The following PTPRM variants were observed in gnomAD, a reference collection of about 807,000 sequenced individuals.
PTPRM encodes the protein protein tyrosine phosphatase receptor type M.
PTPRM carries 47 observed loss-of-function variants against 186.7 expected under a neutral mutation model. The ratio of observed to expected loss-of-function variants is 0.25; its 90% CI spans 0.20 to 0.32. The LOEUF (loss-of-function observed/expected upper bound fraction) is 0.32. Among genes scored for constraint, PTPRM ranks in the 10% least tolerant of loss-of-function variants. PTPRM has a pLI of 1.00. For missense variants in PTPRM, 1,494 were observed against 1,865.0 expected, an observed-to-expected ratio of 0.80 and a Z score of 3.66; for synonymous variants, 668 against 674.9, an observed-to-expected ratio of 0.99 and a Z score of 0.16.
At chr18:7,660,517 A>G (rs193052134) in intron 1 of PTPRM, among the ~76,000 whole-genome samples, 293 of 152,268 alleles carry the variant, frequency 1.9e-3, no homozygotes, top group Admixed American at 3.8e-3. Flanking sequence ...TGCTACCCCT[A>G]TGGATCTATT....
At chr18:7,763,160 A>G (rs964732220) in intron 1 of PTPRM, among the ~76,000 whole-genome samples, 8 of 152,188 alleles carry the variant, frequency 5.3e-5, no homozygotes, top group Non-Finnish European at 1.0e-4. Flanking sequence ...CTGTTTATGC[A>G]TTTGAGCATA....
rs117525975 is a variant in PTPRM at position 8,370,521 on chromosome 18, A to G, written c.3055-369A>G. 8.4e-3 allele frequency among the ~76,000 whole-genome samples: 1,285 copies of G among 152,322 alleles called. 9 individuals are homozygous for G. Among genetic ancestry groups the G allele is most frequent in the Non-Finnish European group, 0.015 (1,013 of 68,026 alleles). On this transcript the variant is annotated intron_variant, in intron 23 of 32. Transcript: ENST00000580170. The stretch of plus-strand genomic sequence containing the variant: ...AAAAAGTTTTCAATCACTTTCTGAA[A>G]CTAGAAATAATTCAAAAGAAGAGCT...
intron 2 of PTPRM, among the ~76,000 whole-genome samples, chr18:7,835,179 G>T (rs1433693626): frequency 1.4e-5 from 2 of 141,968 alleles, no homozygotes; most frequent in Admixed American, 6.9e-5. Context: ...TTATTCGTTT[G>T]ACATTTTTCT....
At chr18:8,023,877 C>T (rs550535881) in intron 7 of PTPRM, among the ~76,000 whole-genome samples, 1 of 151,930 alleles carries the variant, frequency 6.6e-6, no homozygotes, top group East Asian at 1.9e-4. Context: ...CACACGCACA[C>T]CCCTCCTATG....
chr18:7,676,286 C>T (rs1031359205), intron 1 of PTPRM, among the ~76,000 whole-genome samples: 2 of 152,114 alleles, frequency 1.3e-5, no homozygotes, highest in African/African-American at 2.4e-5. Context: ...TCTCCTGTCT[C>T]TTGGCCACTG....
At chr18:7,686,502 A>G (rs1392767188) in intron 1 of PTPRM, among the ~76,000 whole-genome samples, 1 of 152,116 alleles carries the variant, frequency 6.6e-6, no homozygotes, top group African/African-American at 2.4e-5. Context: ...TTTGCATAAT[A>G]TCAATGAAAT....
chr18:8,334,429 C>T (rs571623509), intron 22 of PTPRM, among the ~76,000 whole-genome samples: 3 of 152,176 alleles, frequency 2.0e-5, no homozygotes, highest in African/African-American at 7.2e-5. Flanking sequence ...GCCAGCCACA[C>T]GTGGCCGGCT....
intron 7 of PTPRM, among the ~76,000 whole-genome samples, chr18:8,015,616 T>C (rs1009633534): frequency 2.6e-5 from 4 of 152,204 alleles, no homozygotes; most frequent in African/African-American, 4.8e-5. Flanking sequence ...TGATAGTTTT[T>C]AAATTAATTT....
chr18:7,690,165 G>C (rs11661251), intron 1 of PTPRM, among the ~76,000 whole-genome samples: 1 of 152,176 alleles, frequency 6.6e-6, no homozygotes, highest in Non-Finnish European at 1.5e-5. Flanking sequence ...CAGAAAGCTA[G>C]ACTTCTCTGT....
intron 2 of PTPRM, among the ~76,000 whole-genome samples, chr18:7,860,454 G>C (rs545001759): frequency 1.3e-5 from 2 of 152,242 alleles, no homozygotes; most frequent in East Asian, 1.9e-4. Flanking sequence ...TGCTCAGTGA[G>C]GGAAGAGTGC....
At chr18:7,669,314 C>T (rs1219037104) in intron 1 of PTPRM, among the ~76,000 whole-genome samples, 2 of 152,112 alleles carry the variant, frequency 1.3e-5, no homozygotes, top group Non-Finnish European at 2.9e-5. Flanking sequence ...AGTGACAATA[C>T]TACGAGAGCC....
intron 2 of PTPRM, among the ~76,000 whole-genome samples, chr18:7,786,893 G>T (rs773704446): frequency 6.6e-6 from 1 of 152,122 alleles, no homozygotes; most frequent in Non-Finnish European, 1.5e-5. Flanking sequence ...TTAGCAGATG[G>T]GTCATTGGGT....
chr18:8,042,920 A>G (rs1379531309), intron 7 of PTPRM, among the ~76,000 whole-genome samples: 1 of 151,556 alleles, frequency 6.6e-6, no homozygotes, highest in African/African-American at 2.4e-5. Context: ...CCCCCTGTAG[A>G]CCCTCCAACT....
chr18:7,819,907 G>A (rs1010895109), intron 2 of PTPRM, among the ~76,000 whole-genome samples: 17 of 152,194 alleles, frequency 1.1e-4, no homozygotes, highest in Admixed American at 1.1e-3. Flanking sequence ...AAGGGGCCTG[G>A]AGCGGGAAGC....
At chr18:8,330,294 G>A (rs2095405170) in intron 22 of PTPRM, among the ~76,000 whole-genome samples, 4 of 152,162 alleles carry the variant, frequency 2.6e-5, no homozygotes, top group Admixed American at 2.6e-4. Flanking sequence ...GCTATAACCA[G>A]TGACTTTTTT....
intron 21 of PTPRM, among the ~76,000 whole-genome samples, chr18:8,317,405 A>G (rs2095316530): frequency 6.6e-6 from 1 of 152,102 alleles, no homozygotes; most frequent in South Asian, 2.1e-4. Context: ...CTTTAAATAT[A>G]TATTAGACCT....
At chr18:8,383,815 A>G (rs1452123072) in intron 29 of PTPRM, among the ~76,000 whole-genome samples, 1 of 152,240 alleles carries the variant, frequency 6.6e-6, no homozygotes, top group East Asian at 1.9e-4. Flanking sequence ...TTATAAATCC[A>G]CATGCAATCC....
intron 4 of PTPRM, among the ~76,000 whole-genome samples, chr18:7,925,437 T>C (rs2051115461): frequency 6.6e-6 from 1 of 152,206 alleles, no homozygotes. Context: ...CTTTGTTCTT[T>C]GTTCTGAAGT....
rs1360137556 is a variant in PTPRM, at chr18:7,658,384, A to G, written c.73+90493A>G. ...TACATACACACACACACACGCTATAAAAATGAACAACTTTAGTACAAGAGG... is the reference window on the plus strand; with the variant it reads ...TACATACACACACACACACGCTATAGAAATGAACAACTTTAGTACAAGAGG... On this transcript the variant is annotated intron_variant, in intron 1 of 32. Coordinates refer to ENST00000580170, the MANE Select transcript of PTPRM (RefSeq NM_001105244.2). Among the ~76,000 whole-genome samples, 3 of 149,742 alleles carry G rather than the reference A, an allele frequency of 2.0e-5. No individual in the cohort carries two copies. In the South Asian group the frequency reaches 6.3e-4, roughly 31 times the overall value.
Sources: gnomAD v4.1 joint callset for allele counts (sites outside exome capture counted in the v4.1 genomes callset) on GRCh38, gnomAD v4.1.1 for gene constraint, MANE v1.5 for transcripts, NCBI Gene and HGNC (gene_info 2026-07-23, HGNC 2026-07-21) for gene names.